The following ABCA13 variants were observed in gnomAD, a reference collection of about 807,000 sequenced individuals.
ABCA13 encodes ATP-binding cassette sub-family A member 13.
A neutral mutation model predicts 478.7 loss-of-function variants in ABCA13; 476 were observed. The ratio of observed to expected loss-of-function variants is 0.99; its 90% CI spans 0.92 to 1.07. The LOEUF (loss-of-function observed/expected upper bound fraction) is 1.07. ABCA13 is among the 50% of genes least tolerant of loss of function. The probability of loss-of-function intolerance (pLI) is 0.00; values close to 1 mark genes in which losing one functional copy is unlikely to be tolerated. For missense variants in ABCA13, 6,060 were observed against 5,910.6 expected, an observed-to-expected ratio of 1.03 and a Z score of -0.83; for synonymous variants, 2,252 against 2,158.9, an observed-to-expected ratio of 1.04 and a Z score of -1.20.
At chr7:48,351,711 C>T (rs927420670) in intron 30 of ABCA13, among the ~76,000 whole-genome samples, 2 of 152,166 alleles carry the variant, frequency 1.3e-5, no homozygotes, top group African/African-American at 4.8e-5. Context: ...AGGACTTCTA[C>T]ATATGAATTT....
intron 21 of ABCA13, 147 bp from the exon 22 acceptor site, chr7:48,297,085 T>C: frequency 1.5e-6 from 1 of 688,016 alleles, no homozygotes; most frequent in Non-Finnish European, 2.5e-6. Flanking sequence ...TTGGGAGACA[T>C]GTGGGTCTAA....
chr7:48,587,446 G>C (rs1789295894), intron 57 of ABCA13, among the ~76,000 whole-genome samples, 158 bp downstream of exon 57: 1 of 152,156 alleles, frequency 6.6e-6, no homozygotes, highest in African/African-American at 2.4e-5. Context: ...TTTCCCAAAT[G>C]TCATTTGTAT....
At chr7:48,407,581 G>A (rs1818431328) in intron 39 of ABCA13, among the ~76,000 whole-genome samples, 2 of 151,434 alleles carry the variant, frequency 1.3e-5, no homozygotes, top group Admixed American at 6.6e-5. Context: ...TTTTGAGATG[G>A]AGTCTTGCTC....
chr7:48,187,845 A>G (rs1006512994), intron 1 of ABCA13, among the ~76,000 whole-genome samples: 2 of 151,722 alleles, frequency 1.3e-5, no homozygotes, highest in African/African-American at 4.8e-5. Flanking sequence ...GAAATTCTTC[A>G]TTTTATTTGA....
chr7:48,500,621 T>C (rs1830658030), intron 48 of ABCA13, among the ~76,000 whole-genome samples: 1 of 152,212 alleles, frequency 6.6e-6, no homozygotes, highest in South Asian at 2.1e-4. Context: ...AATGTAGTGA[T>C]TGATAAGCTA....
At chr7:48,432,765 A>G (rs1822315563) in intron 42 of ABCA13, among the ~76,000 whole-genome samples, 1 of 152,140 alleles carries the variant, frequency 6.6e-6, no homozygotes, top group South Asian at 2.1e-4. Flanking sequence ...CAGAATTTTT[A>G]AAAGTTGAAA....
chr7:48,227,335 T>C lies in ABCA13; in HGVS notation c.542T>C (p.Phe181Ser), dbSNP rs756361817. The change falls in exon 6 of 62, where the codon TTT (phenylalanine) becomes TCT (serine). Residue 181 changes from phenylalanine to serine, a missense_variant. By Grantham distance (155) the Phe-to-Ser change is radical. This residue lies in a region of ABCA13 where 4,423 missense variants were observed against 4,309.1 expected (regional missense o/e 1.03). Transcript: ENST00000435803. ...SLHQQPHIWD[F>S]LLLLPRLHTS... is the part of the protein sequence containing the mutation. ...CATCAGCAGCCTCATATCTGGGATT[T>C]TCTACTTTTACTGCCGAGACTACAC... 8.2e-6 allele frequency: 13 copies of C among 1,592,414 alleles called. No individual in the cohort carries two copies. Among genetic ancestry groups the C allele is most frequent in the Non-Finnish European group, 8.5e-7 (1 of 1,170,788 alleles).
At chr7:48,332,492 A>G (rs1035307873) in intron 27 of ABCA13, among the ~76,000 whole-genome samples, 4 of 152,188 alleles carry the variant, frequency 2.6e-5, no homozygotes, top group Non-Finnish European at 5.9e-5. Context: ...CATCTTGACT[A>G]TCAGAAGGTG....
intron 54 of ABCA13, among the ~76,000 whole-genome samples, chr7:48,525,670 C>CTTTTTTT (rs538127881): frequency 2.9e-5 from 2 of 68,334 alleles, no homozygotes; most frequent in Non-Finnish European, 5.7e-5. Context: ...TTTAGATGCG[C>CTTTTTTT]TTTTTTTTTT....
intron 8 of ABCA13, among the ~76,000 whole-genome samples, chr7:48,235,381 A>G (rs1789793958): frequency 6.6e-6 from 1 of 152,200 alleles, no homozygotes; most frequent in African/African-American, 2.4e-5. Flanking sequence ...TGAGTGAACT[A>G]TGTAAAACTT....
In ABCA13 at chr7:48,614,891, G is replaced by T. The variant is rs1585990118; in HGVS notation, c.14745-394G>T. ...CACATTCTGGGGACTGTTGTGGGGT[G>T]GGGGGAGGGGGGAGGGATAACATTA... On this transcript the variant is annotated intron_variant, in intron 58 of 61. Coordinates refer to ENST00000435803, the MANE Select transcript of ABCA13 (RefSeq NM_152701.5). Among the ~76,000 whole-genome samples, 6 of 109,706 alleles carry T rather than the reference G, an allele frequency of 5.5e-5. 1 individual carries two copies. The highest frequency in any genetic ancestry group is 2.0e-4 in the African/African-American group (6 of 29,834). The allele number at this position is 109,706 out of a possible 152,430, so 72.0% of individuals were successfully genotyped here. A position where few individuals can be genotyped will look rare whatever the true frequency, so the allele number is the denominator to read the frequency against.
At chr7:48,171,600 C>T (rs1165634470) in intron 1 of ABCA13, 48 bp downstream of exon 1, 1 of 1,527,076 alleles carries the variant, frequency 6.5e-7, no homozygotes, top group African/African-American at 1.4e-5. Flanking sequence ...AGGTCTGGAG[C>T]AAGATCAGGG....
intron 46 of ABCA13, among the ~76,000 whole-genome samples, chr7:48,481,992 C>T (rs558461992): frequency 1.8e-4 from 27 of 151,990 alleles, no homozygotes; most frequent in African/African-American, 6.3e-4. Flanking sequence ...CTTCAGTCTC[C>T]TTTTATCTAG....
At chr7:48,599,714 A>G (rs2131470174) in intron 58 of ABCA13, among the ~76,000 whole-genome samples, 1 of 152,312 alleles carries the variant, frequency 6.6e-6, no homozygotes, top group East Asian at 1.9e-4. Context: ...AGCTTCCACC[A>G]GTATTAGGTA....
At position 48,403,681 on chromosome 7, in the gene ABCA13, A is replaced by G; in HGVS notation, c.11874-2A>G. The G allele has an allele frequency of 6.2e-7, 1 of 1,613,522 alleles. No homozygotes were observed. Among genetic ancestry groups the G allele is most frequent in the Non-Finnish European group, 8.5e-7 (1 of 1,179,552 alleles). On this transcript the variant is annotated splice_acceptor_variant, in intron 38 of 61. Coordinates refer to ENST00000435803, the MANE Select transcript of ABCA13 (RefSeq NM_152701.5). LOFTEE classifies it high-confidence loss of function. ...AAGAGTGATGTTTTCTTCTAATTTC[A>G]GAACTCTTCAGGATGTGGACTTAAC...
intron 55 of ABCA13, among the ~76,000 whole-genome samples, chr7:48,552,195 A>G (rs1368742038): frequency 6.6e-6 from 1 of 151,652 alleles, no homozygotes; most frequent in Non-Finnish European, 1.5e-5. Context: ...AAAAGTTACA[A>G]TTTTATCTCA....
At position 48,350,684 on chromosome 7, in the gene ABCA13, C is replaced by T. The variant is rs370018894; in HGVS notation, c.10246C>T (p.Arg3416Cys). The T allele has an allele frequency of 8.1e-6, 13 of 1,613,784 alleles. No homozygotes were observed. The highest frequency in any genetic ancestry group is 6.7e-5 in the East Asian group (3 of 44,892). ...DEMFNHAGAG[R>C]FRFLGSILVN... Reference sequence around the variant, plus strand: ...GATGTTTAACCATGCAGGCGCTGGACGCTTCCGTTTCTTGGGCAGCATCTT... The same window carrying T: ...GATGTTTAACCATGCAGGCGCTGGATGCTTCCGTTTCTTGGGCAGCATCTT... The change falls in exon 30 of 62, where the codon CGC becomes TGC. Residue 3416 changes from arginine (R) to cysteine (C), a missense_variant. Physicochemically the swap from Arg to Cys is radical, Grantham distance 180 (BLOSUM62 -3). This residue lies in a region of ABCA13 where 4,423 missense variants were observed against 4,309.1 expected (regional missense o/e 1.03). Transcript: ENST00000435803.
At chr7:48,603,137 G>A (rs1563493647) in intron 58 of ABCA13, among the ~76,000 whole-genome samples, 1 of 152,114 alleles carries the variant, frequency 6.6e-6, no homozygotes, top group East Asian at 1.9e-4. Context: ...GGGTTGAGAT[G>A]ATGGGGTTTG....
chr7:48,244,800 T>C (rs1307354432), intron 11 of ABCA13, 97 bp downstream of exon 11: 17 of 1,444,968 alleles, frequency 1.2e-5, no homozygotes, highest in East Asian at 2.3e-5. Context: ...CATTGTAAAG[T>C]TGGGAGATAA....
Sources: allele counts gnomAD v4.1 joint callset (sites outside exome capture counted in the v4.1 genomes callset), GRCh38; gene constraint gnomAD v4.1.1; regional missense constraint gnomAD v4.1.1; transcripts MANE v1.5; gene names NCBI Gene and HGNC (gene_info 2026-07-23, HGNC 2026-07-21).